Variants in HNF1B observed in about 807,000 individuals in gnomAD.
HNF1B encodes hepatocyte nuclear factor 1-beta.
A neutral mutation model predicts 61.7 loss-of-function variants in HNF1B; 8 were observed. The ratio of observed to expected loss-of-function variants is 0.13; its 90% CI spans 0.08 to 0.23. The LOEUF (loss-of-function observed/expected upper bound fraction) is 0.23, where lower values mean the gene tolerates loss of function less well. HNF1B is among the 10% of genes least tolerant of loss of function. HNF1B has a pLI of 1.00. For missense variants in HNF1B, 562 were observed against 714.5 expected, an observed-to-expected ratio of 0.79 and a Z score of 2.43; for synonymous variants, 314 against 287.7, an observed-to-expected ratio of 1.09 and a Z score of -0.93.
chr17:37,687,137 T>G lies in HNF1B; in HGVS notation c.*235A>C. On this transcript the variant is annotated 3_prime_UTR_variant, in exon 9 of 9. Transcript: ENST00000617811. ...CCACCTCCAGGACAGACAGGAGTCC[T>G]TGACATCGTGGGAGAGGCATTGTGG... is the stretch of plus-strand genomic sequence containing the variant. 1 of 670,534 alleles carries G rather than the reference T, an allele frequency of 1.5e-6. No homozygotes were observed. Among genetic ancestry groups the G allele is most frequent in the South Asian group, 1.7e-5 (1 of 58,184 alleles). 41.5% of individuals were successfully genotyped at this position (670,534 alleles called of 1,614,324 possible).
intron 4 of HNF1B, among the ~76,000 whole-genome samples, chr17:37,723,257 G>A (rs887851366): frequency 5.3e-5 from 8 of 151,908 alleles, no homozygotes; most frequent in Non-Finnish European, 1.0e-4. Flanking sequence ...TGAGGCCGGA[G>A]AATGGCGTGA....
chr17:37,703,349 G>A (rs1340088072), intron 6 of HNF1B, among the ~76,000 whole-genome samples: 1 of 151,900 alleles, frequency 6.6e-6, no homozygotes, highest in Non-Finnish European at 1.5e-5. Flanking sequence ...TATGAGTAGA[G>A]GAAATTAGAA....
intron 4 of HNF1B, among the ~76,000 whole-genome samples, chr17:37,721,234 A>G (rs2033303259): frequency 6.6e-6 from 1 of 152,158 alleles, no homozygotes; most frequent in South Asian, 2.1e-4. Context: ...GCCCCACCCA[A>G]TCTGCTGGTG....
chr17:37,694,345 G>C (rs1216664704), intron 8 of HNF1B, among the ~76,000 whole-genome samples: 1 of 145,170 alleles, frequency 6.9e-6, no homozygotes, highest in Non-Finnish European at 1.5e-5. Flanking sequence ...AGAATCGCTT[G>C]AACCTGGGAG....
intron 5 of HNF1B, 68 bp downstream of exon 5, chr17:37,710,435 G>A: frequency 6.4e-7 from 1 of 1,570,894 alleles, no homozygotes; most frequent in South Asian, 1.1e-5. Flanking sequence ...CAGGCCTTGT[G>A]AGAAGTTGTG....
At chr17:37,732,893 C>T (rs1323107761) in intron 3 of HNF1B, among the ~76,000 whole-genome samples, 1 of 151,018 alleles carries the variant, frequency 6.6e-6, no homozygotes, top group African/African-American at 2.4e-5. Context: ...GTTGCCCAGG[C>T]TGGTCTCAAA....
intron 4 of HNF1B, among the ~76,000 whole-genome samples, chr17:37,713,081 C>T (rs983903828): frequency 2.0e-5 from 3 of 152,240 alleles, no homozygotes; most frequent in Non-Finnish European, 4.4e-5. Flanking sequence ...TTTGGAGGAA[C>T]TGGACTTCAC....
intron 6 of HNF1B, among the ~76,000 whole-genome samples, chr17:37,702,642 C>A (rs1337015413): frequency 6.6e-6 from 1 of 152,220 alleles, no homozygotes; most frequent in African/African-American, 2.4e-5. Context: ...TGAGAAACTG[C>A]TGCCCAAAAA....
rs367919641 is a variant in HNF1B, at chr17:37,710,834, T to C, written c.1046-171A>G. On this transcript the variant is annotated intron_variant, in intron 4 of 8. Coordinates refer to ENST00000617811, the MANE Select transcript of HNF1B (RefSeq NM_000458.4). The stretch of plus-strand genomic sequence containing the variant: ...GCTTTTCTCCAGGGTAAATATGGCA[T>C]GTTCTCTATTTAATTCTAGAATGTA... Among the ~76,000 whole-genome samples the C allele has an allele frequency of 4.8e-4, 73 of 152,368 alleles. 1 individual carries two copies. The South Asian group carries it at 0.015, about 32-fold the overall frequency.
intron 8 of HNF1B, among the ~76,000 whole-genome samples, chr17:37,692,396 C>A (rs911124617): frequency 1.3e-5 from 2 of 152,206 alleles, no homozygotes; most frequent in African/African-American, 4.8e-5. Context: ...GAAAGCCAGT[C>A]TGGAAGTCCA....
intron 4 of HNF1B, among the ~76,000 whole-genome samples, chr17:37,725,051 C>T (rs2033453711): frequency 6.6e-6 from 1 of 152,068 alleles, no homozygotes; most frequent in South Asian, 2.1e-4. Context: ...TGTTCCATTC[C>T]ATTAAGCAGG....
chr17:37,703,426 T>TAC (rs1434593842), intron 6 of HNF1B, among the ~76,000 whole-genome samples: 10 of 151,938 alleles, frequency 6.6e-5, no homozygotes, highest in African/African-American at 2.4e-4. Flanking sequence ...TATATATATA[T>TAC]ATAACTGTAT....
chr17:37,742,071 C>T (rs1480336263), intron 1 of HNF1B, among the ~76,000 whole-genome samples: 1 of 152,248 alleles, frequency 6.6e-6, no homozygotes, highest in Non-Finnish European at 1.5e-5. Context: ...CCGAAGAGGG[C>T]CTGCGGCCAT....
chr17:37,721,735 T>C (rs1468619468), intron 4 of HNF1B, among the ~76,000 whole-genome samples: 3 of 146,512 alleles, frequency 2.0e-5, no homozygotes, highest in Admixed American at 6.9e-5. Flanking sequence ...TTTTTTTTTT[T>C]AGAGACAGGG....
chr17:37,733,919 C>G, intron 2 of HNF1B, 98 bp from the exon 3 acceptor site: 2 of 1,415,866 alleles, frequency 1.4e-6, no homozygotes, highest in Non-Finnish European at 2.0e-6. Flanking sequence ...ACCTTTATTC[C>G]CCTCGTCTAA....
chr17:37,698,843 C>T (rs936902553), intron 8 of HNF1B, among the ~76,000 whole-genome samples: 1 of 152,188 alleles, frequency 6.6e-6, no homozygotes, highest in Non-Finnish European at 1.5e-5. Flanking sequence ...ACCTATCAAA[C>T]TTCTGTCCTT....
chr17:37,732,850 T>G (rs1039062655), intron 3 of HNF1B, among the ~76,000 whole-genome samples: 4 of 54,016 alleles, frequency 7.4e-5, no homozygotes, highest in African/African-American at 2.3e-4. Flanking sequence ...TGTTTTTTTG[T>G]TTTTTTTTTA....
chr17:37,737,662 T>A (rs1403005886), intron 2 of HNF1B, among the ~76,000 whole-genome samples: 7 of 128,794 alleles, frequency 5.4e-5, no homozygotes, highest in Non-Finnish European at 8.3e-5. Context: ...CCGTCTCTAC[T>A]AAAAATACCA....
Position 37,734,847 on chromosome 17 carries a change from G to A in HNF1B, c.545-1026C>T, listed in dbSNP as rs143363140. Among the ~76,000 whole-genome samples, 766 of 150,248 alleles carry A rather than the reference G, an allele frequency of 5.1e-3. 2 individuals are homozygous for A. Among genetic ancestry groups the A allele is most frequent in the South Asian group, 0.011 (51 of 4,720 alleles). On this transcript the variant is annotated intron_variant, in intron 2 of 8. Coordinates refer to ENST00000617811, the MANE Select transcript of HNF1B (RefSeq NM_000458.4). ...CTTGTTGCCCAGGCTGGAGTACAGT[G>A]GTGTGATCTCGGCTCACTACAATCT...
Sources: allele counts gnomAD v4.1 joint callset (sites outside exome capture counted in the v4.1 genomes callset), GRCh38; gene constraint gnomAD v4.1.1; transcripts MANE v1.5; gene names NCBI Gene and HGNC (gene_info 2026-07-23, HGNC 2026-07-21).